The following NCOA2 variants were observed in gnomAD, a reference collection of about 807,000 sequenced individuals.
The protein encoded by NCOA2 is nuclear receptor coactivator 2.
In NCOA2, 21 loss-of-function variants were observed where a neutral mutation model predicts 145.1. That is an observed-to-expected ratio of 0.14 (90% CI 0.10 to 0.21). The LOEUF (loss-of-function observed/expected upper bound fraction) is 0.21. Among genes scored for constraint, NCOA2 ranks in the 10% least tolerant of loss-of-function variants. NCOA2 has a pLI of 1.00. For synonymous variants in NCOA2, 619 were observed against 637.5 expected (o/e 0.97, Z 0.44); for missense variants, 1,472 against 1,837.6 (o/e 0.80, Z 3.64).
chr8:70,336,667 C>T (rs1238437270), intron 1 of NCOA2, among the ~76,000 whole-genome samples: 2 of 151,846 alleles, frequency 1.3e-5, no homozygotes, highest in Non-Finnish European at 2.9e-5. Context: ...AACCAGATCT[C>T]GTAAGAACTC....
At chr8:70,133,200 C>CTTTTTTTTTTTTTTTTTTTTTTTTTTTT (rs57813061) in intron 15 of NCOA2, among the ~76,000 whole-genome samples, 14 of 106,968 alleles carry the variant, frequency 1.3e-4, no homozygotes, top group African/African-American at 5.2e-4. Context: ...CTGGCTGCTA[C>CTTTTTTTTTTTTTTTTTTTTTTTTTTTT]TTTTTTTTTT....
chr8:70,224,207 G>T (rs1820407198), intron 2 of NCOA2, among the ~76,000 whole-genome samples: 1 of 152,106 alleles, frequency 6.6e-6, no homozygotes, highest in Non-Finnish European at 1.5e-5. Context: ...AAATATTTTT[G>T]TTATTACTGA....
intron 1 of NCOA2, among the ~76,000 whole-genome samples, chr8:70,400,242 T>A (rs1400755098): frequency 1.3e-5 from 2 of 152,196 alleles, no homozygotes; most frequent in Non-Finnish European, 1.5e-5. Flanking sequence ...TGCTTCAGTA[T>A]ACTGACATCT....
chr8:70,234,187 C>A (rs767344741), intron 2 of NCOA2, among the ~76,000 whole-genome samples: 1 of 152,174 alleles, frequency 6.6e-6, no homozygotes, highest in Non-Finnish European at 1.5e-5. Flanking sequence ...CTGCATGTAT[C>A]AGTACTTCAT....
intron 4 of NCOA2, among the ~76,000 whole-genome samples, chr8:70,208,240 T>C (rs771317452): frequency 6.6e-6 from 1 of 151,304 alleles, no homozygotes; most frequent in Non-Finnish European, 1.5e-5. Context: ...CTCAATTCTA[T>C]GAGAAGATGC....
chr8:70,404,362 G>A (rs6991199), upstream of NCOA2, among the ~76,000 whole-genome samples: 42,551 of 152,154 alleles, frequency 0.28, 8,053 homozygotes, highest in East Asian at 0.57. Flanking sequence ...CGGTGCCCCA[G>A]GACGAAGATC....
chr8:70,228,718 C>A (rs1220756008), intron 2 of NCOA2, among the ~76,000 whole-genome samples: 1 of 152,042 alleles, frequency 6.6e-6, no homozygotes, highest in South Asian at 2.1e-4. Flanking sequence ...GATTGCTGCA[C>A]CCTATTTAGC....
chr8:70,116,879 G>A (rs1267696477), intron 22 of NCOA2, among the ~76,000 whole-genome samples: 1 of 152,222 alleles, frequency 6.6e-6, no homozygotes, highest in Admixed American at 6.5e-5. Context: ...GATGGTAACA[G>A]AGAGGTGCTG....
At chr8:70,302,977 C>T (rs1827623096) in intron 1 of NCOA2, among the ~76,000 whole-genome samples, 1 of 152,134 alleles carries the variant, frequency 6.6e-6, no homozygotes, top group Non-Finnish European at 1.5e-5. Flanking sequence ...TATGCCCATT[C>T]CTTTCCATCT....
intron 1 of NCOA2, among the ~76,000 whole-genome samples, chr8:70,300,196 C>G (rs1435019979): frequency 6.6e-6 from 1 of 152,096 alleles, no homozygotes; most frequent in Non-Finnish European, 1.5e-5. Flanking sequence ...TGTTCTAAAA[C>G]TGAATTGTGT....
intron 1 of NCOA2, among the ~76,000 whole-genome samples, chr8:70,360,867 G>A (rs1810132215): frequency 6.7e-6 from 1 of 148,192 alleles, no homozygotes; most frequent in Non-Finnish European, 1.5e-5. Flanking sequence ...GAACCTGGGA[G>A]AAGGAGATTA....
At chr8:70,159,848 A>T (rs1812748971) in intron 9 of NCOA2, among the ~76,000 whole-genome samples, 196 bp from the exon 10 acceptor site, 2 of 152,218 alleles carry the variant, frequency 1.3e-5, no homozygotes, top group Middle Eastern at 3.2e-3. Context: ...CACTGAAAAT[A>T]CCAATAACCT....
the NCOA2 span, among the ~76,000 whole-genome samples, chr8:70,433,818 T>C: frequency 6.6e-6 from 1 of 152,074 alleles, no homozygotes; most frequent in Non-Finnish European, 1.5e-5. Context: ...TGCCGCTTCT[T>C]AAAGGGGGCA....
intron 1 of NCOA2, among the ~76,000 whole-genome samples, chr8:70,310,346 C>CA (rs34849703): frequency 0.087 from 6,214 of 71,476 alleles, 235 homozygotes; most frequent in African/African-American, 0.19. Context: ...TCTGTCTTCC[C>CA]AAAAAAAAAA....
chr8:70,262,767 A>C (rs1292008675), intron 2 of NCOA2, among the ~76,000 whole-genome samples: 1 of 152,146 alleles, frequency 6.6e-6, no homozygotes, highest in African/African-American at 2.4e-5. Context: ...TATTTCTTTT[A>C]TCTTTAGGGA....
intron 1 of NCOA2, among the ~76,000 whole-genome samples, chr8:70,362,557 C>G (rs1810304077): frequency 6.6e-6 from 1 of 152,052 alleles, no homozygotes; most frequent in Non-Finnish European, 1.5e-5. Context: ...CAAAAGCATG[C>G]TGAATATCAT....
Position 70,382,735 on chromosome 8 carries a change from C to T in NCOA2, c.-77+20965G>A, listed in dbSNP as rs116401198. On this transcript the variant is annotated intron_variant, in intron 1 of 22. Transcript: ENST00000452400. The stretch of plus-strand genomic sequence containing the variant: ...TGGTGGGTACCAATTGGTAAAATTA[C>T]CAAATGCTTGCACGCGTTCCAGAAG... Among the ~76,000 whole-genome samples, 290 of 152,284 alleles carry T rather than the reference C, an allele frequency of 1.9e-3. 2 individuals carry two copies. The highest frequency in any genetic ancestry group is 6.7e-3 in the African/African-American group (280 of 41,546).
At chr8:70,251,576 G>A (rs1823184193) in intron 2 of NCOA2, among the ~76,000 whole-genome samples, 1 of 152,170 alleles carries the variant, frequency 6.6e-6, no homozygotes. Flanking sequence ...GGTTAAAACT[G>A]AAATTCTTAA....
At chr8:70,337,251 C>T (rs1391895403) in intron 1 of NCOA2, among the ~76,000 whole-genome samples, 1 of 151,408 alleles carries the variant, frequency 6.6e-6, no homozygotes, top group African/African-American at 2.4e-5. Flanking sequence ...AGCTGCCACA[C>T]TGCCTCCCAA....
Sources: gnomAD v4.1 joint callset for allele counts (sites outside exome capture counted in the v4.1 genomes callset) on GRCh38, gnomAD v4.1.1 for gene constraint, MANE v1.5 for transcripts, NCBI Gene and HGNC (gene_info 2026-07-23, HGNC 2026-07-21) for gene names.